The following EPHA5 variants were observed in gnomAD, a reference collection of about 807,000 sequenced individuals.
The protein encoded by EPHA5 is EPH receptor A5.
EPHA5 carries 60 observed loss-of-function variants against 105.0 expected under a neutral mutation model. The observed-to-expected ratio is 0.57, with a 90% confidence interval of 0.46 to 0.71. EPHA5 has a LOEUF of 0.71. EPHA5 is among the 30% of genes least tolerant of loss of function. The pLI, the probability that EPHA5 is intolerant of heterozygous loss-of-function variation, is 0.00. For missense variants in EPHA5, 1,218 were observed against 1,274.7 expected, an observed-to-expected ratio of 0.96 and a Z score of 0.68; for synonymous variants, 513 against 449.1, an observed-to-expected ratio of 1.14 and a Z score of -1.80.
At chr4:65,573,367 C>G (rs1366563031) in intron 3 of EPHA5, 3 of 700,128 alleles carry the variant, frequency 4.3e-6, no homozygotes, top group Non-Finnish European at 4.4e-6. Context: ...GCTGAGATTG[C>G]GCCACTGCAC....
At chr4:65,402,845 T>A (rs1181043093) in intron 8 of EPHA5, among the ~76,000 whole-genome samples, 1 of 152,146 alleles carries the variant, frequency 6.6e-6, no homozygotes, top group Admixed American at 6.6e-5. Flanking sequence ...TTGATTATAC[T>A]ATTGGATCAA....
intron 2 of EPHA5, among the ~76,000 whole-genome samples, chr4:65,619,023 C>T (rs1224886525): frequency 6.6e-6 from 1 of 152,028 alleles, no homozygotes; most frequent in Non-Finnish European, 1.5e-5. Context: ...GGCATGGTGG[C>T]GGGTGCCTGT....
chr4:65,341,081 A>G (rs562940819), intron 14 of EPHA5, among the ~76,000 whole-genome samples: 1 of 152,144 alleles, frequency 6.6e-6, no homozygotes, highest in African/African-American at 2.4e-5. Context: ...TTTTCTTAGA[A>G]AAATTTTCCT....
chr4:65,610,374 A>AGT (rs1017385995), intron 2 of EPHA5, among the ~76,000 whole-genome samples: 8 of 151,938 alleles, frequency 5.3e-5, no homozygotes, highest in African/African-American at 1.9e-4. Context: ...TTGACAGAGG[A>AGT]GTGTGTGTGG....
chr4:65,548,601 A>G (rs1484492052), intron 3 of EPHA5, among the ~76,000 whole-genome samples: 2 of 152,128 alleles, frequency 1.3e-5, no homozygotes, highest in Non-Finnish European at 2.9e-5. Context: ...AGTAAAATAT[A>G]AAGCAATACA....
chr4:65,451,858 T>G (rs547522458), intron 5 of EPHA5, among the ~76,000 whole-genome samples: 1 of 152,148 alleles, frequency 6.6e-6, no homozygotes, highest in Non-Finnish European at 1.5e-5. Context: ...CTGTGAAAGC[T>G]TGGAAAAATC....
intron 3 of EPHA5, among the ~76,000 whole-genome samples, chr4:65,530,198 T>C (rs1360758690): frequency 6.6e-6 from 1 of 152,128 alleles, no homozygotes; most frequent in Admixed American, 6.5e-5. Flanking sequence ...TATATGGAAC[T>C]ACTGGGATTA....
chr4:65,334,787 T>A (rs2148809164), intron 15 of EPHA5, among the ~76,000 whole-genome samples: 1 of 151,272 alleles, frequency 6.6e-6, no homozygotes, highest in Non-Finnish European at 1.5e-5. Flanking sequence ...CTATATAAAT[T>A]AATATAATTT....
chr4:65,562,810 A>T (rs914661489), intron 3 of EPHA5, among the ~76,000 whole-genome samples: 1 of 152,038 alleles, frequency 6.6e-6, no homozygotes, highest in African/African-American at 2.4e-5. Context: ...TATAACATTT[A>T]AAAAAATTAG....
intron 1 of EPHA5, among the ~76,000 whole-genome samples, chr4:65,651,252 T>G (rs2149528846): frequency 6.6e-6 from 1 of 152,282 alleles, no homozygotes; most frequent in South Asian, 2.1e-4. Context: ...GGTTCCAAAT[T>G]ATATCATAGA....
At position 65,532,669 on chromosome 4, in the gene EPHA5, CA is replaced by C. The variant is rs775978119; in HGVS notation, c.911-37127del. 4.7e-3 allele frequency among the ~76,000 whole-genome samples: 383 copies of C among 82,152 alleles called. 1 individual carries two copies. The highest frequency in any genetic ancestry group is 6.7e-3 in the Non-Finnish European group (287 of 42,698). The allele number at this position is 82,152 out of a possible 152,430, so 53.9% of individuals were successfully genotyped here. ...AATCTCTCACCAGCTGTATTGGTTA[CA>C]GTTTTTTTTTTTTTTTTTGTAACTC... is the stretch of plus-strand genomic sequence containing the variant. On this transcript the variant is annotated intron_variant, in intron 3 of 16. Transcript: ENST00000613740.
At chr4:65,465,515 GAA>G (rs1412898341) in intron 5 of EPHA5, among the ~76,000 whole-genome samples, 2 of 96,860 alleles carry the variant, frequency 2.1e-5, no homozygotes, top group Admixed American at 1.2e-4. Flanking sequence ...AAGAAAGAAA[GAA>G]AGAAAGAAAG....
At chr4:65,622,529 T>C (rs894166102) in intron 2 of EPHA5, among the ~76,000 whole-genome samples, 9 of 152,140 alleles carry the variant, frequency 5.9e-5, no homozygotes, top group African/African-American at 2.2e-4. Context: ...ATTCACTAAT[T>C]CTTTAAAAAC....
At chr4:65,668,038 C>T (rs1035928967) in intron 1 of EPHA5, among the ~76,000 whole-genome samples, 4 of 151,952 alleles carry the variant, frequency 2.6e-5, no homozygotes, top group African/African-American at 9.7e-5. Flanking sequence ...GGGAAAATAC[C>T]CAATTGTTTG....
intron 3 of EPHA5, among the ~76,000 whole-genome samples, chr4:65,540,924 T>C (rs1414664879): frequency 2.0e-5 from 3 of 150,278 alleles, no homozygotes; most frequent in African/African-American, 7.3e-5. Context: ...AGCTAACTTC[T>C]GTTTAATAAA....
At chr4:65,628,715 A>G (rs1432327174) in intron 2 of EPHA5, among the ~76,000 whole-genome samples, 1 of 152,160 alleles carries the variant, frequency 6.6e-6, no homozygotes, top group Non-Finnish European at 1.5e-5. Context: ...GATTATACTC[A>G]TGGTTATGTC....
intron 5 of EPHA5, among the ~76,000 whole-genome samples, chr4:65,485,107 T>C (rs1188305631): frequency 6.6e-6 from 1 of 151,766 alleles, no homozygotes; most frequent in Non-Finnish European, 1.5e-5. Flanking sequence ...AATAGCTTAA[T>C]AATGAACATA....
At chr4:65,595,290 A>C (rs1743060656) in intron 3 of EPHA5, among the ~76,000 whole-genome samples, 1 of 152,092 alleles carries the variant, frequency 6.6e-6, no homozygotes, top group South Asian at 2.1e-4. Flanking sequence ...CATTCCTAGG[A>C]TACAGGAATT....
At chr4:65,420,858 C>G (rs1225951214) in intron 5 of EPHA5, among the ~76,000 whole-genome samples, 1 of 151,608 alleles carries the variant, frequency 6.6e-6, no homozygotes, top group Non-Finnish European at 1.5e-5. Context: ...AAAGATATTC[C>G]TGATTATTTT....
Sources: allele counts gnomAD v4.1 joint callset (sites outside exome capture counted in the v4.1 genomes callset), GRCh38; gene constraint gnomAD v4.1.1; transcripts MANE v1.5; gene names NCBI Gene and HGNC (gene_info 2026-07-23, HGNC 2026-07-21).